Variants in SLC12A8 observed in about 807,000 individuals in gnomAD.
The protein encoded by SLC12A8 is cation-chloride cotransporter 9.
SLC12A8 carries 69 observed loss-of-function variants against 75.6 expected under a neutral mutation model. The ratio of observed to expected loss-of-function variants is 0.91; its 90% CI spans 0.75 to 1.11. The LOEUF (loss-of-function observed/expected upper bound fraction) is 1.11. Among genes scored for constraint, SLC12A8 ranks in the 50% most tolerant of loss-of-function variants. The pLI is 0.00. For missense variants in SLC12A8, 877 were observed against 896.7 expected (o/e 0.98, Z 0.28); for synonymous variants, 365 against 372.8 (o/e 0.98, Z 0.24).
In SLC12A8 at chr3:125,107,785, C is replaced by T; in HGVS notation, c.1401G>A (p.Gln467=). 2 of 1,614,162 alleles carry T rather than the reference C, an allele frequency of 1.2e-6. No individual in the cohort carries two copies. The highest frequency in any genetic ancestry group is 1.7e-6 in the Non-Finnish European group (2 of 1,180,026). Residue 467 remains glutamine (Q), a synonymous_variant, in exon 10 of 14, where the codon CAG becomes CAA. Coordinates refer to ENST00000469902, the MANE Select transcript of SLC12A8 (RefSeq NM_024628.6). ...EFTKDMDQLL[Q]LTRKLESSQP... ...GGCTACTCTCAAGCTTCCTGGTTAG[C>T]TGGAGGAGCTGATCCATGTCCTTGG...
chr3:125,138,518 T>C (rs1208130909), intron 5 of SLC12A8, among the ~76,000 whole-genome samples: 2 of 152,152 alleles, frequency 1.3e-5, no homozygotes, highest in Non-Finnish European at 2.9e-5. Flanking sequence ...AAGAGAAAAC[T>C]GTCCATGTTA....
At chr3:125,092,290 T>C (rs1009455735) in intron 10 of SLC12A8, 92 bp from the exon 11 acceptor site, 2 of 814,188 alleles carry the variant, frequency 2.5e-6, no homozygotes, top group Admixed American at 2.2e-5. Context: ...CTTCCCCAAT[T>C]TTGTAACTTA....
chr3:125,198,642 T>C (rs2107800761), intron 2 of SLC12A8, among the ~76,000 whole-genome samples: 1 of 151,690 alleles, frequency 6.6e-6, no homozygotes, highest in Non-Finnish European at 1.5e-5. Flanking sequence ...TCAAATAAAA[T>C]AAAACGAGAG....
intron 5 of SLC12A8, among the ~76,000 whole-genome samples, chr3:125,166,777 C>T (rs1934300243): frequency 6.6e-6 from 1 of 152,198 alleles, no homozygotes; most frequent in Admixed American, 6.5e-5. Context: ...TGAAAGAAAG[C>T]AAATTGCACA....
At chr3:125,095,052 A>G (rs193250075) in intron 10 of SLC12A8, among the ~76,000 whole-genome samples, 47 of 152,266 alleles carry the variant, frequency 3.1e-4, no homozygotes, top group Admixed American at 1.3e-3. Flanking sequence ...GTATTCCAAC[A>G]TTCAGTCTTC....
intron 5 of SLC12A8, among the ~76,000 whole-genome samples, chr3:125,168,569 C>G (rs1315609701): frequency 2.0e-5 from 3 of 152,108 alleles, no homozygotes; most frequent in Admixed American, 6.6e-5. Context: ...CCGTGGCCTC[C>G]CTGCCCACAT....
At chr3:125,184,094 T>C (rs549398569) in intron 4 of SLC12A8, among the ~76,000 whole-genome samples, 96 of 152,120 alleles carry the variant, frequency 6.3e-4, no homozygotes, top group Middle Eastern at 6.8e-3. Context: ...TGCCTCAGCC[T>C]CCCAAGCAGC....
chr3:125,145,758 C>T (rs975515586), intron 5 of SLC12A8, among the ~76,000 whole-genome samples: 6 of 152,170 alleles, frequency 3.9e-5, no homozygotes, highest in Non-Finnish European at 8.8e-5. Context: ...TAATAAAATA[C>T]AATTATATTA....
intron 5 of SLC12A8, among the ~76,000 whole-genome samples, chr3:125,169,707 C>G (rs1274346973): frequency 6.6e-6 from 1 of 152,114 alleles, no homozygotes; most frequent in Non-Finnish European, 1.5e-5. Flanking sequence ...ACGAACTATA[C>G]CAGAGAAAGA....
chr3:125,099,171 G>A (rs1474933837), intron 10 of SLC12A8, among the ~76,000 whole-genome samples: 2 of 148,482 alleles, frequency 1.3e-5, no homozygotes, highest in Non-Finnish European at 2.9e-5. Flanking sequence ...GCTATGCAGA[G>A]CCTTAAGGGC....
intron 12 of SLC12A8, among the ~76,000 whole-genome samples, chr3:125,089,636 T>C (rs1459833545): frequency 6.6e-6 from 1 of 150,620 alleles, no homozygotes; most frequent in East Asian, 2.0e-4. Flanking sequence ...TGCATTTCTT[T>C]CAAAGTGTTT....
intron 5 of SLC12A8, among the ~76,000 whole-genome samples, chr3:125,145,656 C>T (rs1933753469): frequency 7.0e-6 from 1 of 143,702 alleles, no homozygotes; most frequent in South Asian, 2.2e-4. Context: ...AATACCAAAC[C>T]CTATATATAC....
At chr3:125,120,201 G>A (rs1272385577) in intron 7 of SLC12A8, among the ~76,000 whole-genome samples, 1 of 151,566 alleles carries the variant, frequency 6.6e-6, no homozygotes, top group Non-Finnish European at 1.5e-5. Flanking sequence ...GCAGAGCTGA[G>A]ATGCAGCCCC....
chr3:125,104,024 A>G (rs1217314433), intron 10 of SLC12A8, among the ~76,000 whole-genome samples: 4 of 151,480 alleles, frequency 2.6e-5, no homozygotes, highest in African/African-American at 9.7e-5. Context: ...AAAAAGAGAG[A>G]GAAAGAGAGA....
intron 5 of SLC12A8, among the ~76,000 whole-genome samples, chr3:125,165,921 G>A (rs1934276378): frequency 1.3e-5 from 2 of 152,186 alleles, no homozygotes. Context: ...TCTGGGTAAA[G>A]AATATTGATT....
chr3:125,120,598 C>A lies in SLC12A8; in HGVS notation c.824+1G>T. On this transcript the variant is annotated splice_donor_variant, in intron 7 of 13. Transcript: ENST00000469902. LOFTEE classifies it high-confidence loss of function. The stretch of plus-strand genomic sequence containing the variant: ...GACTGATTGCCATGAGGGGAACTTA[C>A]GAGATGCCAACAGCTGCCAGGGAGC... 2.5e-6 allele frequency: 4 copies of A among 1,611,272 alleles called. No individual in the cohort carries two copies. Among genetic ancestry groups the A allele is most frequent in the East Asian group, 4.5e-5 (2 of 44,850 alleles).
At chr3:125,177,220 C>T (rs977055866) in intron 5 of SLC12A8, among the ~76,000 whole-genome samples, 1 of 149,808 alleles carries the variant, frequency 6.7e-6, no homozygotes, top group African/African-American at 2.5e-5. Context: ...CAAACTATCG[C>T]AAGGACAAAA....
intron 4 of SLC12A8, among the ~76,000 whole-genome samples, chr3:125,186,652 T>C (rs930120431): frequency 6.6e-6 from 1 of 152,358 alleles, no homozygotes; most frequent in African/African-American, 2.4e-5. Flanking sequence ...GCCTTAGGAT[T>C]TCCCCCTACT....
chr3:125,196,015 C>T (rs1935003622), intron 2 of SLC12A8, among the ~76,000 whole-genome samples: 1 of 152,214 alleles, frequency 6.6e-6, no homozygotes, highest in African/African-American at 2.4e-5. Flanking sequence ...AGTGAAACAT[C>T]AGCTGCAAAA....
Sources: allele counts gnomAD v4.1 joint callset (sites outside exome capture counted in the v4.1 genomes callset), GRCh38; gene constraint gnomAD v4.1.1; transcripts MANE v1.5; gene names NCBI Gene and HGNC (gene_info 2026-07-23, HGNC 2026-07-21).